The following LRP6 variants were observed in gnomAD, a reference collection of about 807,000 sequenced individuals.
LRP6 encodes LDL receptor related protein 6, also known as low-density lipoprotein receptor-related protein 6.
In LRP6, 43 loss-of-function variants were observed where a neutral mutation model predicts 184.1. The observed-to-expected ratio is 0.23, with a 90% CI of 0.18 to 0.30. The LOEUF (loss-of-function observed/expected upper bound fraction) is 0.30. Ranked by LOEUF, LRP6 falls within the 10% of genes least tolerant of loss-of-function variation. The pLI is 1.00. For missense variants in LRP6, 1,571 were observed against 2,005.3 expected (o/e 0.78, Z 4.14); for synonymous variants, 719 against 684.9 (o/e 1.05, Z -0.78).
At chr12:12,263,690 C>T (rs903565016) in intron 1 of LRP6, among the ~76,000 whole-genome samples, 1 of 151,900 alleles carries the variant, frequency 6.6e-6, no homozygotes, top group African/African-American at 2.4e-5. Context: ...AAAAATTAGC[C>T]AAGTGTTATG....
intron 14 of LRP6, among the ~76,000 whole-genome samples, chr12:12,147,926 G>A (rs373059707): frequency 1.3e-5 from 2 of 151,742 alleles, no homozygotes; most frequent in East Asian, 3.9e-4. Flanking sequence ...AGTGAGCTGA[G>A]ATTGTGTCAC....
At chr12:12,237,167 A>G (rs1201416323) in intron 2 of LRP6, among the ~76,000 whole-genome samples, 1 of 152,216 alleles carries the variant, frequency 6.6e-6, no homozygotes, top group African/African-American at 2.4e-5. Flanking sequence ...AAGACCAAAT[A>G]TTAGAACAAA....
chr12:12,175,308 G>A (rs767742590), intron 7 of LRP6, among the ~76,000 whole-genome samples: 1 of 152,114 alleles, frequency 6.6e-6, no homozygotes, highest in Non-Finnish European at 1.5e-5. Context: ...GGTATCACTT[G>A]AGCTTGGGAG....
intron 3 of LRP6, among the ~76,000 whole-genome samples, chr12:12,198,974 GCTACA>G (rs1863844030): frequency 6.6e-6 from 1 of 152,004 alleles, no homozygotes; most frequent in Non-Finnish European, 1.5e-5. Context: ...CAGAAAACTA[GCTACA>G]CAATGCATCT....
chr12:12,178,824 A>G lies in LRP6; in HGVS notation c.1545+986T>C, dbSNP rs558564709. Among the ~76,000 whole-genome samples the G allele has an allele frequency of 2.0e-5, 3 of 152,302 alleles. No homozygotes were observed. In the East Asian group the frequency reaches 5.8e-4, roughly 29 times the overall value. ...CAGTATTTGAGCCTGGTGGAATACT[A>G]ACGGGGTTTCTTCTATTCCAAGTTT... On this transcript the variant is annotated intron_variant, in intron 7 of 22. Transcript: ENST00000261349.
intron 12 of LRP6, chr12:12,155,868 G>C (rs912760378): frequency 2.9e-5 from 18 of 613,138 alleles, no homozygotes; most frequent in Non-Finnish European, 4.9e-5. Flanking sequence ...GTAAAACAGC[G>C]TATGTGTTTT....
chr12:12,200,707 A>G (rs529694840), intron 3 of LRP6, among the ~76,000 whole-genome samples: 1 of 152,258 alleles, frequency 6.6e-6, no homozygotes, highest in African/African-American at 2.4e-5. Flanking sequence ...ACTGTAATAT[A>G]TAAAGTATTT....
intron 2 of LRP6, among the ~76,000 whole-genome samples, chr12:12,239,567 T>C (rs529874423): frequency 7.9e-5 from 12 of 152,282 alleles, no homozygotes; most frequent in African/African-American, 2.2e-4. Context: ...TAAAGATTCA[T>C]TGTAATTTCT....
In LRP6 at chr12:12,135,170, T is replaced by C; in HGVS notation, c.3733+5A>G. The stretch of plus-strand genomic sequence containing the variant: ...GGTTGCACAAGAAAATTACAACATA[T>C]TTACCTCCACATGATAGCTCATCTT... On this transcript the variant is annotated splice_donor_5th_base_variant and intron_variant, in intron 17 of 22. Coordinates refer to ENST00000261349, the MANE Select transcript of LRP6 (RefSeq NM_002336.3). 1 of 1,613,822 alleles carries C rather than the reference T, an allele frequency of 6.2e-7. No individual in the cohort carries two copies. The highest frequency in any genetic ancestry group is 1.3e-5 in the African/African-American group (1 of 75,014).
intron 12 of LRP6, among the ~76,000 whole-genome samples, chr12:12,151,752 A>G (rs1044119887): frequency 3.3e-5 from 5 of 152,180 alleles, no homozygotes; most frequent in African/African-American, 4.8e-5. Context: ...CATGTTGCCC[A>G]AGCTGGTCTC....
intron 3 of LRP6, among the ~76,000 whole-genome samples, chr12:12,193,916 T>C (rs907576126): frequency 1.3e-5 from 2 of 152,050 alleles, no homozygotes; most frequent in Non-Finnish European, 2.9e-5. Context: ...ATTAATATCC[T>C]TCACTATTAA....
intron 7 of LRP6, among the ~76,000 whole-genome samples, chr12:12,178,408 C>T (rs984175714): frequency 2.0e-5 from 3 of 152,028 alleles, no homozygotes; most frequent in Non-Finnish European, 4.4e-5. Flanking sequence ...TTTTAAAAAC[C>T]CTACATGATA....
At chr12:12,166,000 C>T (rs1862868995) in intron 7 of LRP6, among the ~76,000 whole-genome samples, 1 of 152,194 alleles carries the variant, frequency 6.6e-6, no homozygotes, top group African/African-American at 2.4e-5. Flanking sequence ...ATACTGTATT[C>T]ACAGTGCATT....
intron 2 of LRP6, among the ~76,000 whole-genome samples, chr12:12,232,586 C>CA (rs34155963): frequency 0.66 from 76,569 of 115,442 alleles, 24,858 homozygotes; most frequent in East Asian, 0.82. Flanking sequence ...CCAGCAGGTG[C>CA]AAAAAAAAAA....
chr12:12,248,208 A>G (rs1865235014), intron 1 of LRP6, among the ~76,000 whole-genome samples: 1 of 152,140 alleles, frequency 6.6e-6, no homozygotes, highest in Non-Finnish European at 1.5e-5. Flanking sequence ...TCGCTCTATC[A>G]ATTGTTCTGT....
intron 3 of LRP6, among the ~76,000 whole-genome samples, chr12:12,196,373 A>C (rs975119236): frequency 2.6e-5 from 4 of 151,918 alleles, no homozygotes; most frequent in Non-Finnish European, 5.9e-5. Flanking sequence ...AATTTCTTTC[A>C]TCAGTGTTTT....
At chr12:12,126,654 C>G in intron 20 of LRP6, 37 bp downstream of exon 20, 1 of 1,538,260 alleles carries the variant, frequency 6.5e-7, no homozygotes, top group Non-Finnish European at 9.0e-7. Context: ...CTTGCAGGAC[C>G]AAAGACTTGA....
chr12:12,205,818 G>A (rs763755983), intron 2 of LRP6, among the ~76,000 whole-genome samples: 1 of 152,134 alleles, frequency 6.6e-6, no homozygotes, highest in Non-Finnish European at 1.5e-5. Flanking sequence ...AAAGCAAAAT[G>A]CTCCCTAGAT....
chr12:12,250,551 A>G (rs1591987055), intron 1 of LRP6, among the ~76,000 whole-genome samples: 1 of 151,768 alleles, frequency 6.6e-6, no homozygotes, highest in Admixed American at 6.6e-5. Context: ...ACCATACCTT[A>G]TAACTAATTT....
Sources: allele counts gnomAD v4.1 joint callset (sites outside exome capture counted in the v4.1 genomes callset), GRCh38; gene constraint gnomAD v4.1.1; transcripts MANE v1.5; gene names NCBI Gene and HGNC (gene_info 2026-07-23, HGNC 2026-07-21).